Variants in PSMA2 observed in about 807,000 individuals in gnomAD.
PSMA2 encodes proteasome subunit alpha type-2.
A neutral mutation model predicts 35.9 loss-of-function variants in PSMA2; 2 were observed. The observed-to-expected ratio is 0.06, with a 90% CI of 0.02 to 0.18. The LOEUF (loss-of-function observed/expected upper bound fraction) is 0.18. Among genes scored for constraint, PSMA2 ranks in the 10% least tolerant of loss-of-function variants. The probability of loss-of-function intolerance (pLI) is 1.00; values close to 1 mark genes in which losing one functional copy is unlikely to be tolerated. For synonymous variants in PSMA2, 97 were observed against 98.2 expected, an observed-to-expected ratio of 0.99 and a Z score of 0.07; for missense variants, 126 against 278.8, an observed-to-expected ratio of 0.45 and a Z score of 3.90.
At position 42,928,982 on chromosome 7, in the gene PSMA2, AT is replaced by A. The variant is rs111337468; in HGVS notation, c.42-1524del. Reference sequence around the variant, plus strand: ...TAAGATTCATCATATCTGAATTGTTATTTTTTTTTTTTAGTAACAGGGTCTT... The same window carrying A: ...TAAGATTCATCATATCTGAATTGTTATTTTTTTTTTTAGTAACAGGGTCTT... On this transcript the variant is annotated intron_variant, in intron 1 of 7. Coordinates refer to ENST00000223321, the MANE Select transcript of PSMA2 (RefSeq NM_002787.5). 2.3e-3 allele frequency among the ~76,000 whole-genome samples: 336 copies of A among 144,992 alleles called. 1 individual carries two copies. The highest frequency in any genetic ancestry group is 5.3e-3 in the African/African-American group (212 of 39,772).
chr7:42,924,392 G>C, intron 4 of PSMA2, among the ~76,000 whole-genome samples: 1 of 141,536 alleles, frequency 7.1e-6, no homozygotes, highest in East Asian at 2.1e-4. Context: ...AAAATTTAAA[G>C]TTGCAATGAT....
At chr7:42,930,774 G>A (rs1786292545) in intron 1 of PSMA2, among the ~76,000 whole-genome samples, 1 of 151,732 alleles carries the variant, frequency 6.6e-6, no homozygotes, top group Non-Finnish European at 1.5e-5. Context: ...ACTGAGGCAG[G>A]AGGATCCCTT....
Position 42,927,395 on chromosome 7 carries a change from C to T in PSMA2, c.106G>A (p.Val36Met), listed in dbSNP as rs138335219. ...LAAVAGGAPS[V>M]GIKAANGVVL... is the part of the protein sequence containing the mutation. ...AGCATTTCATTACCTTTAATTCCCACGGACGGGGCTCCTCCAGCTACAGCA... is the reference window on the plus strand; with the variant it reads ...AGCATTTCATTACCTTTAATTCCCATGGACGGGGCTCCTCCAGCTACAGCA... The change falls in exon 2 of 8, where the codon GTG (valine) becomes ATG (methionine). Residue 36 changes from valine (V) to methionine (M), a missense_variant. By Grantham distance (21) the Val-to-Met change is conservative. Around this residue, in one of 3 missense-constraint regions of PSMA2, gnomAD observed 78 missense variants for 151.1 expected, o/e 0.52. Transcript: ENST00000223321. The T allele has an allele frequency of 1.2e-6, 2 of 1,613,808 alleles. No individual in the cohort carries two copies. Among genetic ancestry groups the T allele is most frequent in the African/African-American group, 1.3e-5 (1 of 75,054 alleles).
intron 6 of PSMA2, chr7:42,920,269 A>G: frequency 4.5e-6 from 1 of 223,652 alleles, no homozygotes; most frequent in Non-Finnish European, 8.9e-6. Context: ...GTGAAATCTC[A>G]AGAGTATCAG....
chr7:42,931,360 T>C (rs1786307575), intron 1 of PSMA2, among the ~76,000 whole-genome samples: 1 of 152,160 alleles, frequency 6.6e-6, no homozygotes, highest in Admixed American at 6.6e-5. Flanking sequence ...TCGGCGATGG[T>C]TTTCTCACGT....
chr7:42,928,959 A>G (rs545280944), intron 1 of PSMA2, among the ~76,000 whole-genome samples: 82 of 152,252 alleles, frequency 5.4e-4, no homozygotes, highest in African/African-American at 1.8e-3. Context: ...TCTTTGTCTA[A>G]GATTCATCAT....
intron 1 of PSMA2, among the ~76,000 whole-genome samples, chr7:42,930,048 A>C (rs1786272674): frequency 6.6e-6 from 1 of 152,168 alleles, no homozygotes; most frequent in South Asian, 2.1e-4. Flanking sequence ...CAATTTGTTT[A>C]CTCATTTATT....
intron 3 of PSMA2, among the ~76,000 whole-genome samples, chr7:42,926,186 C>G (rs2042266778): frequency 1.3e-5 from 2 of 152,246 alleles, no homozygotes; most frequent in South Asian, 2.1e-4. Flanking sequence ...TTTATTATAA[C>G]TTAAATTGCT....
At chr7:42,925,236 C>T (rs867495443) in intron 3 of PSMA2, among the ~76,000 whole-genome samples, 11 of 152,298 alleles carry the variant, frequency 7.2e-5, no homozygotes, top group African/African-American at 2.4e-4. Flanking sequence ...ACGGAGTACC[C>T]TTCAGAGATT....
At chr7:42,930,206 AACACACACACACACACACGC>A (rs1330799637) in intron 1 of PSMA2, among the ~76,000 whole-genome samples, 2 of 149,214 alleles carry the variant, frequency 1.3e-5, no homozygotes, top group South Asian at 4.2e-4. Context: ...ACCATGTTAA[AACACACACACACACACACGC>A]ACACACACAC....
chr7:42,924,288 A>G (rs549261063), intron 4 of PSMA2, among the ~76,000 whole-genome samples: 1 of 142,122 alleles, frequency 7.0e-6, no homozygotes, highest in South Asian at 2.4e-4. Flanking sequence ...CAGGAGGCAG[A>G]GGTTGCAGTG....
At chr7:42,926,402 C>T (rs1344710400) in intron 3 of PSMA2, 134 bp downstream of exon 3, 1 of 1,046,810 alleles carries the variant, frequency 9.6e-7, no homozygotes, top group Non-Finnish European at 1.3e-6. Context: ...AACGAGGCTG[C>T]TATTGCTAAA....
At chr7:42,926,809 A>G (rs1786224262) in intron 2 of PSMA2, 141 bp from the exon 3 acceptor site, 5 of 1,010,698 alleles carry the variant, frequency 4.9e-6, no homozygotes, top group Non-Finnish European at 6.8e-6. Flanking sequence ...CCTATTACCA[A>G]AATTACCTAA....
At chr7:42,927,902 G>A (rs1250591772) in intron 1 of PSMA2, among the ~76,000 whole-genome samples, 12 of 55,294 alleles carry the variant, frequency 2.2e-4, no homozygotes, top group Admixed American at 1.4e-3. Context: ...CCGAAACCTC[G>A]TCTCAAAAAA....
chr7:42,928,040 CT>C (rs1786240967), intron 1 of PSMA2, among the ~76,000 whole-genome samples: 1 of 152,162 alleles, frequency 6.6e-6, no homozygotes, highest in African/African-American at 2.4e-5. Flanking sequence ...ACTGTTGCTT[CT>C]TTTCACCCTA....
At chr7:42,924,409 T>G (rs1304465357) in intron 4 of PSMA2, among the ~76,000 whole-genome samples, 1 of 149,716 alleles carries the variant, frequency 6.7e-6, no homozygotes, top group Non-Finnish European at 1.5e-5. Context: ...TGATTGTCTG[T>G]CCATAAAGTG....
At chr7:42,925,293 T>C (rs1786193813) in intron 3 of PSMA2, among the ~76,000 whole-genome samples, 1 of 152,196 alleles carries the variant, frequency 6.6e-6, no homozygotes, top group South Asian at 2.1e-4. Context: ...AAAATTCGGC[T>C]AGGTGCAGTG....
At chr7:42,932,096 A>C (rs1583611259) in intron 1 of PSMA2, 22 bp downstream of exon 1, 1 of 1,613,866 alleles carries the variant, frequency 6.2e-7, no homozygotes, top group African/African-American at 1.3e-5. Context: ...TACGCTGAAG[A>C]CCTCGAGGGC....
chr7:42,927,687 C>T (rs907362674), intron 1 of PSMA2, among the ~76,000 whole-genome samples: 1 of 152,188 alleles, frequency 6.6e-6, no homozygotes, highest in Non-Finnish European at 1.5e-5. Context: ...GGGTGGATCA[C>T]CTGAGGTCAG....
Sources: gnomAD v4.1 joint callset for allele counts (sites outside exome capture counted in the v4.1 genomes callset) on GRCh38, gnomAD v4.1.1 for gene constraint, gnomAD v4.1.1 regional missense constraint, MANE v1.5 for transcripts, NCBI Gene and HGNC (gene_info 2026-07-23, HGNC 2026-07-21) for gene names.